The following SLC9A1 variants were observed in gnomAD, a reference collection of about 807,000 sequenced individuals.
SLC9A1 encodes the protein solute carrier family 9 member A1.
A neutral mutation model predicts 67.9 loss-of-function variants in SLC9A1; 22 were observed. That is an observed-to-expected ratio of 0.32 (90% CI 0.23 to 0.46). The LOEUF (loss-of-function observed/expected upper bound fraction) is 0.46. Among genes scored for constraint, SLC9A1 ranks in the 20% least tolerant of loss-of-function variants. SLC9A1 has a pLI of 1.00. For synonymous variants in SLC9A1, 421 were observed against 471.8 expected (o/e 0.89, Z 1.40); for missense variants, 686 against 1,094.8 (o/e 0.63, Z 5.27).
intron 1 of SLC9A1, among the ~76,000 whole-genome samples, chr1:27,116,002 T>C (rs909192618): frequency 6.6e-6 from 1 of 152,142 alleles, no homozygotes; most frequent in Non-Finnish European, 1.5e-5. Context: ...TCCCTCTCCA[T>C]GCCCAAAGCC....
intron 1 of SLC9A1, among the ~76,000 whole-genome samples, chr1:27,136,783 C>A (rs547850477): frequency 6.6e-6 from 1 of 152,146 alleles, no homozygotes; most frequent in East Asian, 1.9e-4. Context: ...AAGGAGGAGG[C>A]GGAAAATTCC....
chr1:27,101,922 G>A lies in SLC9A1; in HGVS notation c.1935+94C>T. The A allele has an allele frequency of 1.4e-6, 2 of 1,390,112 alleles. No individual in the cohort carries two copies. Among genetic ancestry groups the A allele is most frequent in the Admixed American group, 3.4e-5 (2 of 59,628 alleles). The allele number at this position is 1,390,112 out of a possible 1,614,324, so 86.1% of individuals were successfully genotyped here. A position where few individuals can be genotyped will look rare whatever the true frequency, so the allele number is the denominator to read the frequency against. ...CTGGAGGCCGGGCCAGTCCTGGGGT[G>A]GGTGCCGAGGGGCACGGGCAGGGCA... On this transcript the variant is annotated intron_variant, in intron 9 of 11. Coordinates refer to ENST00000263980, the MANE Select transcript of SLC9A1 (RefSeq NM_003047.5). This position sits in a 1 kb window ranked among gnomAD's most constrained non-coding sequence, Gnocchi z 4.9.
At chr1:27,110,344 A>G (rs2083219612) in intron 2 of SLC9A1, among the ~76,000 whole-genome samples, 1 of 152,110 alleles carries the variant, frequency 6.6e-6, no homozygotes, top group African/African-American at 2.4e-5. Flanking sequence ...TCATTTCTTA[A>G]CCTCTGGAGC....
intron 1 of SLC9A1, among the ~76,000 whole-genome samples, chr1:27,125,960 T>G (rs2083341185): frequency 6.6e-6 from 1 of 152,114 alleles, no homozygotes; most frequent in African/African-American, 2.4e-5. Context: ...TCCGCGTCTT[T>G]CCACCACACC....
At chr1:27,108,329 G>A (rs2083204158) in intron 3 of SLC9A1, among the ~76,000 whole-genome samples, 1 of 121,694 alleles carries the variant, frequency 8.2e-6, no homozygotes, top group South Asian at 3.1e-4. Context: ...GCCTCCCAAA[G>A]TGCTGGGATT....
In SLC9A1 at chr1:27,114,120, C is replaced by T. The variant is rs145424221; in HGVS notation, c.519G>A (p.Ala173=). The T allele has an allele frequency of 6.9e-4, 1,120 of 1,614,140 alleles. 8 individuals are homozygous for T. The African/African-American group carries it at 0.012, about 17-fold the overall frequency. The change falls in exon 2 of 12, where the codon GCG becomes GCA. Residue 173 remains alanine (A), a synonymous_variant. Transcript: ENST00000263980. The surrounding 1 kb of genome is among the most constrained non-coding windows in gnomAD (Gnocchi z 5.4). ...ACTGCCGCAGTGGCAGGAAGTAGCCCGCATCCAGGATGATGGGCGGCAGCA... is the reference window on the plus strand; with the variant it reads ...ACTGCCGCAGTGGCAGGAAGTAGCCTGCATCCAGGATGATGGGCGGCAGCA... The part of the protein sequence containing the change: ...LFLLPPIILD[A]GYFLPLRQFT...
At chr1:27,119,033 G>A (rs1557744338) in intron 1 of SLC9A1, among the ~76,000 whole-genome samples, 1 of 139,142 alleles carries the variant, frequency 7.2e-6, no homozygotes, top group Non-Finnish European at 1.5e-5. Context: ...GTAGGTGGTA[G>A]CTGGAACGAA....
At chr1:27,138,849 C>T (rs1412072917) in intron 1 of SLC9A1, among the ~76,000 whole-genome samples, 1 of 152,128 alleles carries the variant, frequency 6.6e-6, no homozygotes, top group Non-Finnish European at 1.5e-5. Flanking sequence ...AGGTTTTCAG[C>T]AGGGGAAACA....
intron 1 of SLC9A1, among the ~76,000 whole-genome samples, chr1:27,126,303 C>T (rs769366089): frequency 2.0e-5 from 3 of 152,124 alleles, no homozygotes; most frequent in South Asian, 2.1e-4. Context: ...TTAGGCTGTA[C>T]CTGGCACACA....
intron 5 of SLC9A1, among the ~76,000 whole-genome samples, chr1:27,105,294 T>C (rs574584708): frequency 7.2e-5 from 11 of 152,160 alleles, no homozygotes; most frequent in Admixed American, 2.0e-4. Flanking sequence ...TGTACCCACT[T>C]CTCTCTCTTT....
intron 1 of SLC9A1, among the ~76,000 whole-genome samples, chr1:27,151,879 C>G (rs550838975): frequency 6.6e-6 from 1 of 152,156 alleles, no homozygotes; most frequent in Non-Finnish European, 1.5e-5. Flanking sequence ...AATGCCTTTC[C>G]AAGGCAGAAA....
chr1:27,123,504 T>C (rs1209818724), intron 1 of SLC9A1, among the ~76,000 whole-genome samples: 6 of 152,134 alleles, frequency 3.9e-5, no homozygotes, highest in South Asian at 2.1e-4. Context: ...TTTATTTTTA[T>C]TGGGCTTTTT....
At chr1:27,113,456 T>C (rs1300218150) in intron 2 of SLC9A1, among the ~76,000 whole-genome samples, 1 of 152,096 alleles carries the variant, frequency 6.6e-6, no homozygotes. Context: ...ACCCTGTCTC[T>C]TAAAAAACAA....
chr1:27,120,205 A>G (rs2083296063), intron 1 of SLC9A1, among the ~76,000 whole-genome samples: 1 of 151,920 alleles, frequency 6.6e-6, no homozygotes, highest in African/African-American at 2.4e-5. Flanking sequence ...GGCTCACTAC[A>G]GCGTCTGCCT....
At chr1:27,146,815 C>T (rs2083488388) in intron 1 of SLC9A1, among the ~76,000 whole-genome samples, 1 of 152,036 alleles carries the variant, frequency 6.6e-6, no homozygotes, top group African/African-American at 2.4e-5. Context: ...TAAGTGGCAG[C>T]TAATTAACAA....
At chr1:27,122,599 A>G (rs903387880) in intron 1 of SLC9A1, among the ~76,000 whole-genome samples, 1 of 152,078 alleles carries the variant, frequency 6.6e-6, no homozygotes, top group Admixed American at 6.5e-5. Context: ...CTGGCCCTGA[A>G]TGCCCCATCC....
Position 27,100,079 on chromosome 1 carries a change from C to T in SLC9A1, c.*228G>A, listed in dbSNP as rs2124122694. 1 of 450,392 alleles carries T rather than the reference C, an allele frequency of 2.2e-6. No individual in the cohort carries two copies. The allele number at this position is 450,392 out of a possible 1,614,324, so 27.9% of individuals were successfully genotyped here. A position where few individuals can be genotyped will look rare whatever the true frequency, so the allele number is the denominator to read the frequency against. The stretch of plus-strand genomic sequence containing the variant: ...GGGGCAGGGCCGGCCTCACCAGCCC[C>T]AGCAGTTCTGCCAAATGGATTGGGG... On this transcript the variant is annotated 3_prime_UTR_variant, in exon 12 of 12. Coordinates refer to ENST00000263980, the MANE Select transcript of SLC9A1 (RefSeq NM_003047.5). This position sits in a 1 kb window ranked among gnomAD's most constrained non-coding sequence, Gnocchi z 5.6.
intron 1 of SLC9A1, among the ~76,000 whole-genome samples, chr1:27,144,407 C>A (rs1210138453): frequency 6.6e-6 from 1 of 152,216 alleles, no homozygotes. Context: ...CCCTTGCAGA[C>A]CCTCCATTAG....
rs550625585 is a variant in SLC9A1 at position 27,155,121 on chromosome 1, A to C, written c.-787T>G. On this transcript the variant is annotated 5_prime_UTR_variant, in exon 1 of 12. Transcript: ENST00000263980. This position sits in a 1 kb window ranked among gnomAD's most constrained non-coding sequence, Gnocchi z 4.5. ...CCCTAGCCCCGGCCCCGGCGGCAGC[A>C]GACTGAAGCCTAGCTGAGCCCGGCG... is the stretch of plus-strand genomic sequence containing the variant. 5.3e-5 allele frequency among the ~76,000 whole-genome samples: 8 copies of C among 152,216 alleles called. No individual in the cohort carries two copies. The South Asian group carries it at 6.2e-4, about 12-fold the overall frequency.
Sources: gnomAD v4.1 joint callset for allele counts (sites outside exome capture counted in the v4.1 genomes callset) on GRCh38, gnomAD v4.1.1 for gene constraint, Gnocchi (gnomAD v3.1) non-coding constraint, MANE v1.5 for transcripts, NCBI Gene and HGNC (gene_info 2026-07-23, HGNC 2026-07-21) for gene names.